SLIT2: variants seen among roughly 807,000 people sequenced by gnomAD.
SLIT2 encodes the protein slit homolog 2 protein.
SLIT2 carries 41 observed loss-of-function variants against 185.7 expected under a neutral mutation model. The observed-to-expected ratio is 0.22, with a 90% CI of 0.17 to 0.29. The LOEUF is 0.29. SLIT2 is among the 10% of genes least tolerant of loss of function. The pLI, the probability that SLIT2 is intolerant of heterozygous loss-of-function variation, is 1.00. For missense variants in SLIT2, 1,571 were observed against 1,909.0 expected (o/e 0.82, Z 3.30); for synonymous variants, 693 against 680.2 (o/e 1.02, Z -0.29).
At chr4:20,471,389 T>C (rs1714997164) in intron 5 of SLIT2, among the ~76,000 whole-genome samples, 1 of 152,136 alleles carries the variant, frequency 6.6e-6, no homozygotes, top group Non-Finnish European at 1.5e-5. Context: ...GCTCAATACA[T>C]TTCCATTAAT....
At chr4:20,611,961 T>C (rs1356479814) in intron 34 of SLIT2, among the ~76,000 whole-genome samples, 1 of 152,218 alleles carries the variant, frequency 6.6e-6, no homozygotes, top group Non-Finnish European at 1.5e-5. Flanking sequence ...CAAATCTAAG[T>C]GCTGTGGCCT....
chr4:20,535,055 C>T (rs1560173309), intron 18 of SLIT2, among the ~76,000 whole-genome samples: 1 of 152,070 alleles, frequency 6.6e-6, no homozygotes, highest in Non-Finnish European at 1.5e-5. Flanking sequence ...AATCCCAGCA[C>T]TTTGGGAGGC....
chr4:20,516,050 G>A (rs1367198438), intron 11 of SLIT2, among the ~76,000 whole-genome samples: 1 of 152,144 alleles, frequency 6.6e-6, no homozygotes, highest in East Asian at 1.9e-4. Flanking sequence ...CTCCTGACCT[G>A]GTGATCCGGC....
At chr4:20,467,250 C>G (rs1246693805) in intron 4 of SLIT2, among the ~76,000 whole-genome samples, 3 of 152,108 alleles carry the variant, frequency 2.0e-5, no homozygotes, top group African/African-American at 7.2e-5. Context: ...GTTCCATTTT[C>G]AAGATTACTA....
chr4:20,478,949 A>T (rs1162363228), intron 5 of SLIT2, among the ~76,000 whole-genome samples: 1 of 152,178 alleles, frequency 6.6e-6, no homozygotes, highest in Admixed American at 6.6e-5. Flanking sequence ...ACATCATGAG[A>T]CTTTAAATGT....
chr4:20,548,967 C>A, intron 23 of SLIT2, 90 bp from the exon 24 acceptor site: 1 of 735,396 alleles, frequency 1.4e-6, no homozygotes. Flanking sequence ...TAATAAGATG[C>A]TTTAATAAGC....
Position 20,418,921 on chromosome 4 carries a change from C to T in SLIT2, c.396-48831C>T, listed in dbSNP as rs370403267. Among the ~76,000 whole-genome samples the T allele has an allele frequency of 7.9e-5, 12 of 152,202 alleles. 2 individuals carry two copies. Among genetic ancestry groups the T allele is most frequent in the African/African-American group, 4.8e-5 (2 of 41,550 alleles). On this transcript the variant is annotated intron_variant, in intron 4 of 36. Transcript: ENST00000504154. The stretch of plus-strand genomic sequence containing the variant: ...ACTGTACCCATGAACTCTCATCTCC[C>T]GCCCCACAGAAAAAAACTAATTATT...
intron 4 of SLIT2, among the ~76,000 whole-genome samples, chr4:20,388,195 A>G (rs1272247263): frequency 6.6e-6 from 1 of 152,186 alleles, no homozygotes; most frequent in East Asian, 1.9e-4. Context: ...CTAAAAAACT[A>G]AACTGAAACC....
At chr4:20,301,408 A>G (rs1353879541) in intron 4 of SLIT2, among the ~76,000 whole-genome samples, 1 of 152,080 alleles carries the variant, frequency 6.6e-6, no homozygotes, top group African/African-American at 2.4e-5. Context: ...CTAACGTTAG[A>G]TTCTTGTTAT....
In SLIT2 at chr4:20,429,173, G is replaced by A. The variant is rs190690388; in HGVS notation, c.396-38579G>A. On this transcript the variant is annotated intron_variant, in intron 4 of 36. Coordinates refer to ENST00000504154, the MANE Select transcript of SLIT2 (RefSeq NM_004787.4). ...GCACACAGAGGTGCTTTTCAAAATA[G>A]ACGGAAAGTAATTTAATATCATTAA... Among the ~76,000 whole-genome samples, 775 of 152,196 alleles carry A rather than the reference G, an allele frequency of 5.1e-3. 5 individuals carry two copies. Among genetic ancestry groups the A allele is most frequent in the Admixed American group, 5.9e-3 (90 of 15,276 alleles).
chr4:20,452,015 AATC>A (rs1712529376), intron 4 of SLIT2, among the ~76,000 whole-genome samples: 1 of 152,232 alleles, frequency 6.6e-6, no homozygotes. Context: ...GTCTCATTGA[AATC>A]ATATGATCTG....
chr4:20,364,042 A>G (rs1722931924), intron 4 of SLIT2, among the ~76,000 whole-genome samples: 1 of 152,146 alleles, frequency 6.6e-6, no homozygotes, highest in Admixed American at 6.6e-5. Context: ...TCAAATCAGA[A>G]AGGCCATCTA....
At chr4:20,304,775 C>G (rs1305690201) in intron 4 of SLIT2, among the ~76,000 whole-genome samples, 2 of 152,138 alleles carry the variant, frequency 1.3e-5, no homozygotes, top group Admixed American at 6.6e-5. Flanking sequence ...CCCTCACCCC[C>G]ACCATACCAT....
rs536410015 is a variant in SLIT2 at position 20,549,604 on chromosome 4, T to G, written c.2489+476T>G. 3.7e-4 allele frequency among the ~76,000 whole-genome samples: 57 copies of G among 152,128 alleles called. 1 individual carries two copies. The highest frequency in any genetic ancestry group is 5.9e-4 in the Non-Finnish European group (40 of 67,962). ...CTGGTCCTTTTTCAGATGCATTTTTTTCTATTCTAATAGATGTAGGCCCAT... is the reference window on the plus strand; with the variant it reads ...CTGGTCCTTTTTCAGATGCATTTTTGTCTATTCTAATAGATGTAGGCCCAT... On this transcript the variant is annotated intron_variant, in intron 24 of 36. Transcript: ENST00000504154.
chr4:20,554,110 G>A, intron 26 of SLIT2, 142 bp downstream of exon 26: 1 of 718,454 alleles, frequency 1.4e-6, no homozygotes, highest in South Asian at 1.9e-5. Context: ...GGACAAGACA[G>A]AGCAGTTACC....
At chr4:20,369,936 T>C (rs1055756279) in intron 4 of SLIT2, among the ~76,000 whole-genome samples, 6 of 152,140 alleles carry the variant, frequency 3.9e-5, no homozygotes, top group Non-Finnish European at 8.8e-5. Flanking sequence ...TCGAAAGACT[T>C]AGTATCTGGA....
chr4:20,371,096 C>T (rs1459700443), intron 4 of SLIT2, among the ~76,000 whole-genome samples: 3 of 152,026 alleles, frequency 2.0e-5, no homozygotes, highest in Non-Finnish European at 4.4e-5. Context: ...CTTGGGAGAG[C>T]CACTTATGGT....
chr4:20,266,946 G>T (rs1713091810), intron 3 of SLIT2, among the ~76,000 whole-genome samples: 2 of 151,972 alleles, frequency 1.3e-5, no homozygotes, highest in African/African-American at 4.8e-5. Flanking sequence ...GAGAATGCTT[G>T]CTCTGGCTAG....
intron 3 of SLIT2, among the ~76,000 whole-genome samples, chr4:20,260,766 T>C (rs1712367719): frequency 6.6e-6 from 1 of 151,884 alleles, no homozygotes; most frequent in Non-Finnish European, 1.5e-5. Flanking sequence ...CAAAACATTA[T>C]AGCTATAAAA....
Sources: allele counts gnomAD v4.1 joint callset (sites outside exome capture counted in the v4.1 genomes callset), GRCh38; gene constraint gnomAD v4.1.1; transcripts MANE v1.5; gene names NCBI Gene and HGNC (gene_info 2026-07-23, HGNC 2026-07-21).